Variants in WIPF1 observed in about 807,000 individuals in gnomAD.
WIPF1 encodes WAS/WASL interacting protein family member 1.
Under a neutral mutation model 35.4 loss-of-function variants are expected in WIPF1, and 13 were observed. The observed-to-expected ratio is 0.37, with a 90% CI of 0.24 to 0.58. WIPF1 has a LOEUF of 0.58. WIPF1 is among the 20% of genes least tolerant of loss of function. WIPF1 has a pLI of 0.74. For missense variants in WIPF1, 591 were observed against 667.0 expected, an observed-to-expected ratio of 0.89 and a Z score of 1.25; for synonymous variants, 267 against 266.3, an observed-to-expected ratio of 1.00 and a Z score of -0.02.
chr2:174,667,435 G>T (rs1687915899), intron 1 of WIPF1, among the ~76,000 whole-genome samples: 1 of 152,158 alleles, frequency 6.6e-6, no homozygotes, highest in Admixed American at 6.5e-5. Flanking sequence ...GGGCTGTTTT[G>T]AAGTGTCTAG....
At position 174,562,201 on chromosome 2, in the gene WIPF1, A is replaced by G. The variant is rs1684502658; in HGVS notation, c.*346T>C. 6 of 1,550,368 alleles carry G rather than the reference A, an allele frequency of 3.9e-6. No homozygotes were observed. The highest frequency in any genetic ancestry group is 4.4e-6 in the Non-Finnish European group (5 of 1,146,940). On this transcript the variant is annotated 3_prime_UTR_variant, in exon 8 of 8. Coordinates refer to ENST00000679041, the MANE Select transcript of WIPF1 (RefSeq NM_001375834.1). ...GAGAAAACAGCTCTCAGGGACTTTAATAATTACAGTCTGTAACAAATAAGC... is the reference window on the plus strand; with the variant it reads ...GAGAAAACAGCTCTCAGGGACTTTAGTAATTACAGTCTGTAACAAATAAGC...
chr2:174,637,549 A>G (rs935721837), intron 1 of WIPF1, among the ~76,000 whole-genome samples: 23 of 152,202 alleles, frequency 1.5e-4, no homozygotes, highest in Non-Finnish European at 2.6e-4. Flanking sequence ...GCACTTTGGG[A>G]GGCCTAGGCG....
Position 174,567,325 on chromosome 2 carries a change from G to A in WIPF1, c.1343-142C>T, listed in dbSNP as rs564455904. 1.9e-3 allele frequency: 1,434 copies of A among 773,180 alleles called. 2 individuals are homozygous for A. The highest frequency in any genetic ancestry group is 2.4e-3 in the South Asian group (129 of 54,718). 47.9% of individuals were successfully genotyped at this position (773,180 alleles called of 1,614,324 possible). On this transcript the variant is annotated intron_variant, in intron 6 of 7. Transcript: ENST00000679041. ...TGCCTAGAAGTTTACAGAAAAGCTG[G>A]AAGTGCTACAAAGGTCACGAATTAG...
At chr2:174,678,087 G>A (rs987419047) in intron 1 of WIPF1, among the ~76,000 whole-genome samples, 9 of 151,822 alleles carry the variant, frequency 5.9e-5, no homozygotes, top group Non-Finnish European at 2.9e-5. Context: ...AGGGAAAGAG[G>A]GAGAGAGAAT....
intron 1 of WIPF1, among the ~76,000 whole-genome samples, chr2:174,628,429 G>A (rs1050489935): frequency 4.6e-5 from 7 of 152,120 alleles, no homozygotes; most frequent in African/African-American, 1.7e-4. Flanking sequence ...GGCCAATACT[G>A]GGCAACCATT....
At chr2:174,681,643 C>T (rs1255398494) in intron 1 of WIPF1, among the ~76,000 whole-genome samples, 2 of 152,204 alleles carry the variant, frequency 1.3e-5, no homozygotes, top group African/African-American at 4.8e-5. Context: ...GCGGCTGCAT[C>T]CGACGGGAGT....
At chr2:174,597,843 G>T (rs1337711463), upstream of WIPF1, 1 of 152,368 alleles carries the variant, frequency 6.6e-6, no homozygotes, top group Non-Finnish European at 1.5e-5. Flanking sequence ...GTTGTTTGTT[G>T]TTCCTTCCTC....
At position 174,568,018 on chromosome 2, in the gene WIPF1, C is replaced by T. The variant is rs752363182; in HGVS notation, c.1185G>A (p.Leu395=). ...TGGATGGCAACTGAGGGGTAGCAGG[C>T]AGGGCCCGAGATGTGCTGCCGTTTC... The part of the protein sequence containing the change: ...VSRNGSTSRA[L]PATPQLPSRS... Residue 395 remains leucine, a synonymous_variant, in exon 6 of 8, where the codon CTG becomes CTA. Coordinates refer to ENST00000679041, the MANE Select transcript of WIPF1 (RefSeq NM_001375834.1). 3 of 1,613,840 alleles carry T rather than the reference C, an allele frequency of 1.9e-6. No individual in the cohort carries two copies. The South Asian group carries it at 3.3e-5, about 18-fold the overall frequency.
chr2:174,587,777 T>C (rs1376478305), intron 1 of WIPF1: 2 of 152,214 alleles, frequency 1.3e-5, no homozygotes, highest in Non-Finnish European at 2.9e-5. Flanking sequence ...TCATGTCCTT[T>C]TGCTTCCTGC....
rs1400341543 is a variant in WIPF1, at chr2:174,590,035, CA to C, written c.-38-4425del. Among the ~76,000 whole-genome samples the C allele has an allele frequency of 2.6e-5, 4 of 151,296 alleles. No homozygotes were observed. Among genetic ancestry groups the C allele is most frequent in the Non-Finnish European group, 4.4e-5 (3 of 67,824 alleles). On this transcript the variant is annotated intron_variant, in intron 1 of 7. Coordinates refer to ENST00000679041, the MANE Select transcript of WIPF1 (RefSeq NM_001375834.1). This position sits in a 1 kb window ranked among gnomAD's most constrained non-coding sequence, Gnocchi z 4.6. ...AGGAGTTTAAGACTAGCTTGGGCTACAAAGTGAGCCCTTTATCTCTAAAAAT... is the reference window on the plus strand; with the variant it reads ...AGGAGTTTAAGACTAGCTTGGGCTACAAGTGAGCCCTTTATCTCTAAAAAT...
intron 1 of WIPF1, among the ~76,000 whole-genome samples, chr2:174,594,232 T>C (rs1327753357): frequency 6.6e-6 from 1 of 151,976 alleles, no homozygotes; most frequent in African/African-American, 2.4e-5. Flanking sequence ...GATAAGGAGG[T>C]GATTTATTTT....
intron 1 of WIPF1, among the ~76,000 whole-genome samples, chr2:174,618,764 T>C (rs1686589319): frequency 6.6e-6 from 1 of 152,218 alleles, no homozygotes; most frequent in Admixed American, 6.5e-5. Context: ...TCTGGCTTCA[T>C]GCCTCTGCTC....
intron 1 of WIPF1, among the ~76,000 whole-genome samples, chr2:174,672,221 G>A (rs776257242): frequency 1.4e-4 from 22 of 152,210 alleles, no homozygotes; most frequent in Non-Finnish European, 2.6e-4. Flanking sequence ...AGGACAGATG[G>A]TTTCAAGGTT....
intron 1 of WIPF1, chr2:174,629,916 G>C (rs895763137): frequency 2.0e-5 from 3 of 152,202 alleles, no homozygotes; most frequent in Admixed American, 6.5e-5. Context: ...CAGTAAAGCA[G>C]TGACTTACTG....
At chr2:174,628,870 T>TA (rs772334845) in intron 1 of WIPF1, among the ~76,000 whole-genome samples, 112 of 152,358 alleles carry the variant, frequency 7.4e-4, no homozygotes, top group Middle Eastern at 3.4e-3. Flanking sequence ...CTTCTAGTTG[T>TA]AAAAAATCCA....
chr2:174,610,589 C>A (rs1226563728), intron 1 of WIPF1, among the ~76,000 whole-genome samples: 1 of 152,094 alleles, frequency 6.6e-6, no homozygotes, highest in Non-Finnish European at 1.5e-5. Context: ...CTCACCCCCA[C>A]CATCATTAAA....
chr2:174,675,088 G>A (rs1054606401), intron 1 of WIPF1, among the ~76,000 whole-genome samples: 2 of 152,006 alleles, frequency 1.3e-5, no homozygotes, highest in Non-Finnish European at 2.9e-5. Context: ...TATATTAAAC[G>A]CAATTGTGGC....
At chr2:174,627,997 G>A (rs920547277) in intron 1 of WIPF1, among the ~76,000 whole-genome samples, 10 of 152,144 alleles carry the variant, frequency 6.6e-5, no homozygotes, top group Admixed American at 2.6e-4. Flanking sequence ...ACCCCTAAGA[G>A]TGGCATTCTT....
chr2:174,648,292 G>A (rs769739362), intron 1 of WIPF1, among the ~76,000 whole-genome samples: 1 of 152,116 alleles, frequency 6.6e-6, no homozygotes, highest in Non-Finnish European at 1.5e-5. Flanking sequence ...AGTAGAACAA[G>A]GGTGCTATTT....
Sources: allele counts gnomAD v4.1 joint callset (sites outside exome capture counted in the v4.1 genomes callset), GRCh38; gene constraint gnomAD v4.1.1; non-coding constraint Gnocchi (gnomAD v3.1); transcripts MANE v1.5; gene names NCBI Gene and HGNC (gene_info 2026-07-23, HGNC 2026-07-21).